Variants in PBRM1 observed in about 807,000 individuals in gnomAD.
PBRM1 encodes protein polybromo-1.
Under a neutral mutation model 194.5 loss-of-function variants are expected in PBRM1, and 27 were observed. The observed-to-expected ratio is 0.14, with a 90% CI of 0.10 to 0.19. The LOEUF is 0.19. Ranked by LOEUF, PBRM1 falls within the 10% of genes least tolerant of loss-of-function variation. PBRM1 has a pLI of 1.00. For synonymous variants in PBRM1, 655 were observed against 693.2 expected (o/e 0.94, Z 0.87); for missense variants, 1,466 against 2,077.2 (o/e 0.71, Z 5.72).
intron 27 of PBRM1, among the ~76,000 whole-genome samples, chr3:52,553,979 T>G (rs1426151952): frequency 6.6e-6 from 1 of 152,020 alleles, no homozygotes; most frequent in African/African-American, 2.4e-5. Context: ...TGGCTAATTT[T>G]TATAGAGATG....
At chr3:52,672,327 G>C (rs1419298078) in intron 2 of PBRM1, among the ~76,000 whole-genome samples, 2 of 152,044 alleles carry the variant, frequency 1.3e-5, no homozygotes, top group African/African-American at 2.4e-5. Flanking sequence ...TCCAATTCAA[G>C]ATCAGCTGAT....
chr3:52,661,983 T>C (rs1205740878), intron 4 of PBRM1, 150 bp downstream of exon 5: 2 of 737,362 alleles, frequency 2.7e-6, no homozygotes, highest in Non-Finnish European at 4.4e-6. Context: ...GGAGTGGGGC[T>C]CTCTGGCTGA....
intron 5 of PBRM1, among the ~76,000 whole-genome samples, chr3:52,652,070 A>G (rs1220193576): frequency 6.6e-6 from 1 of 152,212 alleles, no homozygotes; most frequent in Admixed American, 6.5e-5. Flanking sequence ...CAACTAGCAT[A>G]AAATTTAATG....
At chr3:52,675,626 T>C (rs958527926) in intron 2 of PBRM1, among the ~76,000 whole-genome samples, 1 of 152,218 alleles carries the variant, frequency 6.6e-6, no homozygotes, top group Non-Finnish European at 1.5e-5. Context: ...CCACTGAATA[T>C]GTTGTTCACA....
chr3:52,644,829 TAAAAG>T, intron 7 of PBRM1, 40 bp from the exon 9 acceptor site: 1 of 990,990 alleles, frequency 1.0e-6, no homozygotes, highest in Non-Finnish European at 1.6e-6. Flanking sequence ...AAGGAACAGA[TAAAAG>T]GACAGCTTAA....
chr3:52,650,457 G>T (rs1241807133), intron 6 of PBRM1, among the ~76,000 whole-genome samples: 1 of 148,330 alleles, frequency 6.7e-6, no homozygotes, highest in African/African-American at 2.5e-5. Context: ...TGTGGTACTA[G>T]TAAGTAAACA....
At chr3:52,656,493 G>A (rs1472854226) in intron 5 of PBRM1, among the ~76,000 whole-genome samples, 1 of 151,966 alleles carries the variant, frequency 6.6e-6, no homozygotes, top group Non-Finnish European at 1.5e-5. Context: ...GTGAAAGCTT[G>A]TCTCTACTAA....
intron 17 of PBRM1, among the ~76,000 whole-genome samples, chr3:52,597,888 G>C (rs1360278911): frequency 6.6e-6 from 1 of 152,088 alleles, no homozygotes; most frequent in Non-Finnish European, 1.5e-5. Flanking sequence ...ATTTTTAGTC[G>C]AGACAGGGTT....
At chr3:52,558,794 A>T (rs2082766777) in intron 25 of PBRM1, among the ~76,000 whole-genome samples, 1 of 152,234 alleles carries the variant, frequency 6.6e-6, no homozygotes, top group African/African-American at 2.4e-5. Context: ...TTATAATTTC[A>T]ATATGAAGCA....
chr3:52,641,677 T>TA (rs918894193), intron 10 of PBRM1, among the ~76,000 whole-genome samples: 4 of 152,172 alleles, frequency 2.6e-5, no homozygotes, highest in African/African-American at 9.7e-5. Context: ...CTGATGCTTT[T>TA]ACTAGTACTC....
chr3:52,651,652 C>CT, intron 6 of PBRM1, 90 bp downstream of exon 7: 1 of 651,828 alleles, frequency 1.5e-6, no homozygotes, highest in Non-Finnish European at 2.6e-6. Flanking sequence ...ACAGAGACAA[C>CT]TAGCTTCTCT....
chr3:52,668,282 G>A (rs1047115400), intron 3 of PBRM1, among the ~76,000 whole-genome samples: 1 of 152,178 alleles, frequency 6.6e-6, no homozygotes, highest in Non-Finnish European at 1.5e-5. Flanking sequence ...GTGTAACAGA[G>A]CAAGACCCTG....
At chr3:52,604,402 C>T (rs749522935) in intron 16 of PBRM1, among the ~76,000 whole-genome samples, 4 of 152,234 alleles carry the variant, frequency 2.6e-5, no homozygotes, top group Non-Finnish European at 5.9e-5. Flanking sequence ...TCTCCTTCCT[C>T]ATTTATGAAA....
At chr3:52,650,273 GA>G (rs1381322491) in intron 6 of PBRM1, among the ~76,000 whole-genome samples, 5 of 143,758 alleles carry the variant, frequency 3.5e-5, no homozygotes, top group Non-Finnish European at 7.5e-5. Flanking sequence ...TGAGGCAGGA[GA>G]ATGACTTGAG....
intron 1 of PBRM1, among the ~76,000 whole-genome samples, chr3:52,679,254 C>A (rs1017347357): frequency 3.3e-5 from 5 of 149,552 alleles, no homozygotes; most frequent in African/African-American, 1.2e-4. Context: ...CTTCCCCCGC[C>A]TGGAATCTAA....
chr3:52,615,536 A>G (rs551983419), intron 14 of PBRM1, 80 bp from the exon 17 acceptor site: 1 of 881,458 alleles, frequency 1.1e-6, no homozygotes, highest in African/African-American at 1.7e-5. Flanking sequence ...AGAAGTTTTA[A>G]AAAGACAGTT....
At chr3:52,569,052 T>C (rs180860171) in intron 22 of PBRM1, among the ~76,000 whole-genome samples, 75 of 152,148 alleles carry the variant, frequency 4.9e-4, no homozygotes, top group Non-Finnish European at 6.5e-4. Flanking sequence ...GCCACTCAGC[T>C]AATTTCTGTA....
intron 13 of PBRM1, among the ~76,000 whole-genome samples, chr3:52,618,989 TC>T (rs544921754): frequency 6.6e-6 from 1 of 152,228 alleles, no homozygotes; most frequent in South Asian, 2.1e-4. Flanking sequence ...CCTCAGGTGA[TC>T]CGCCTGCCTC....
chr3:52,612,668 C>T lies in PBRM1; in HGVS notation c.1924+2683G>A, dbSNP rs149674112. Among the ~76,000 whole-genome samples the T allele has an allele frequency of 6.9e-3, 1,045 of 152,044 alleles. 15 individuals carry two copies. Among genetic ancestry groups the T allele is most frequent in the African/African-American group, 0.024 (989 of 41,508 alleles). On this transcript the variant is annotated intron_variant, in intron 15 of 29. Coordinates refer to ENST00000296302, the Ensembl canonical transcript of PBRM1. ...CCTGTAATCCTAGCACTTTGGGAGG[C>T]GGAGGCGGACGGATCACTTGAGGTC... is the stretch of plus-strand genomic sequence containing the variant.
Sources: gnomAD v4.1 joint callset for allele counts (sites outside exome capture counted in the v4.1 genomes callset) on GRCh38, gnomAD v4.1.1 for gene constraint, MANE v1.5 for transcripts, NCBI Gene and HGNC (gene_info 2026-07-23, HGNC 2026-07-21) for gene names.